ANGPT4: variants seen among roughly 807,000 people sequenced by gnomAD.
ANGPT4 encodes angiopoietin 4.
ANGPT4 carries 50 observed loss-of-function variants against 53.0 expected under a neutral mutation model. The observed-to-expected ratio is 0.94, with a 90% CI of 0.75 to 1.20. ANGPT4 has a LOEUF of 1.20. Ranked by LOEUF, ANGPT4 falls within the 50% of genes most tolerant of loss-of-function variation. The pLI is 0.00. For missense variants in ANGPT4, 648 were observed against 637.1 expected (o/e 1.02, Z -0.18); for synonymous variants, 251 against 259.7 (o/e 0.97, Z 0.32).
chr20:891,707 C>G (rs956433638), intron 1 of ANGPT4, among the ~76,000 whole-genome samples: 15 of 152,362 alleles, frequency 9.8e-5, no homozygotes, highest in Admixed American at 8.5e-4. Context: ...CCACTTCCTC[C>G]TTCATCTCTT....
chr20:900,307 C>A (rs757793990), intron 1 of ANGPT4, among the ~76,000 whole-genome samples: 5 of 152,168 alleles, frequency 3.3e-5, no homozygotes, highest in Admixed American at 6.5e-5. Flanking sequence ...GAAAATTGAA[C>A]CTCCTCCTCT....
chr20:882,099 G>T (rs1981432301), intron 4 of ANGPT4, among the ~76,000 whole-genome samples: 1 of 152,164 alleles, frequency 6.6e-6, no homozygotes, highest in Non-Finnish European at 1.5e-5. Flanking sequence ...CTGGGCATAT[G>T]CTCCCTTATT....
rs76876028 is a variant in ANGPT4, at chr20:873,697, C to T, written c.1352-577G>A. 8.2e-4 allele frequency among the ~76,000 whole-genome samples: 125 copies of T among 152,216 alleles called. 4 individuals are homozygous for T. The East Asian group carries it at 0.021, about 25-fold the overall frequency. Reference sequence around the variant, plus strand: ...CTCCTTGGGCTAAGTCTTTCTCCCCCATCTCCCTCTGTACTTCTCTGCCCC... The same window carrying T: ...CTCCTTGGGCTAAGTCTTTCTCCCCTATCTCCCTCTGTACTTCTCTGCCCC... On this transcript the variant is annotated intron_variant, in intron 8 of 8. Transcript: ENST00000381922.
chr20:876,818 G>A (rs562557356), intron 7 of ANGPT4, among the ~76,000 whole-genome samples: 2 of 152,270 alleles, frequency 1.3e-5, no homozygotes, highest in East Asian at 3.9e-4. Flanking sequence ...TGCATTATCA[G>A]GTTGGTATGG....
At position 914,353 on chromosome 20, in the gene ANGPT4, G is replaced by A. The variant is rs1291686673; in HGVS notation, c.309+1553C>T. On this transcript the variant is annotated intron_variant, in intron 1 of 8. Transcript: ENST00000381922. This position sits in a 1 kb window ranked among gnomAD's most constrained non-coding sequence, Gnocchi z 5.0. The stretch of plus-strand genomic sequence containing the variant: ...GGGGAGGACAAGGAGGGCCTCTGGG[G>A]AGATGGCGCTGGAGAGGATAGGAGG... 6.6e-6 allele frequency among the ~76,000 whole-genome samples: 1 copy of A among 152,198 alleles called. No individual in the cohort carries two copies. The highest frequency in any genetic ancestry group is 1.9e-4 in the East Asian group (1 of 5,188).
intron 2 of ANGPT4, among the ~76,000 whole-genome samples, chr20:888,894 C>G (rs1356446514): frequency 1.3e-5 from 2 of 152,214 alleles, no homozygotes; most frequent in African/African-American, 4.8e-5. Flanking sequence ...GCTCCCATCT[C>G]ATGTAGCGGA....
intron 1 of ANGPT4, among the ~76,000 whole-genome samples, chr20:894,156 T>C (rs1244389910): frequency 6.6e-6 from 1 of 152,220 alleles, no homozygotes; most frequent in Non-Finnish European, 1.5e-5. Flanking sequence ...GGCTATTTCT[T>C]TACCTCCCAT....
At position 911,784 on chromosome 20, in the gene ANGPT4, C is replaced by G. The variant is rs1490299468; in HGVS notation, c.309+4122G>C. Among the ~76,000 whole-genome samples the G allele has an allele frequency of 6.6e-6, 1 of 151,928 alleles. No individual in the cohort carries two copies. Among genetic ancestry groups the G allele is most frequent in the Non-Finnish European group, 1.5e-5 (1 of 67,990 alleles). On this transcript the variant is annotated intron_variant, in intron 1 of 8. Transcript: ENST00000381922. This position sits in a 1 kb window ranked among gnomAD's most constrained non-coding sequence, Gnocchi z 4.9. ...GAGCTGTGATTGCACCATTGCACCC[C>G]AGTGTGGTTGAGAGAGTCAGACCTT... is the stretch of plus-strand genomic sequence containing the variant.
intron 1 of ANGPT4, among the ~76,000 whole-genome samples, chr20:892,529 G>T (rs1981886778): frequency 6.6e-6 from 1 of 151,636 alleles, no homozygotes; most frequent in Admixed American, 6.6e-5. Context: ...CTGGGAGGTG[G>T]AGGTTGCGGT....
chr20:900,863 G>GTCCTT (rs1458477380), intron 1 of ANGPT4, among the ~76,000 whole-genome samples: 1 of 151,522 alleles, frequency 6.6e-6, no homozygotes, highest in African/African-American at 2.4e-5. Flanking sequence ...TCAATTCTTG[G>GTCCTT]TCCTTTAATA....
chr20:903,591 G>A (rs1484804892), intron 1 of ANGPT4, among the ~76,000 whole-genome samples: 4 of 152,208 alleles, frequency 2.6e-5, no homozygotes, highest in African/African-American at 9.6e-5. Context: ...GGCTTAGAGA[G>A]GACCAGGACT....
At chr20:883,526 C>T (rs1215972574) in intron 4 of ANGPT4, among the ~76,000 whole-genome samples, 1 of 152,240 alleles carries the variant, frequency 6.6e-6, no homozygotes, top group Non-Finnish European at 1.5e-5. Context: ...CCATCTCCAT[C>T]CAGCCCTCTC....
At chr20:881,091 G>A (rs1233572898) in intron 5 of ANGPT4, 80 bp downstream of exon 5, 13 of 1,151,618 alleles carry the variant, frequency 1.1e-5, no homozygotes, top group Admixed American at 5.7e-5. Context: ...GCCTGATCCC[G>A]ATGGGGTGCG....
chr20:881,170 C>A lies in ANGPT4; in HGVS notation c.951+1G>T, dbSNP rs758088061. ...CCACAGTTCCCAGGGAGCCCCCTAA[C>A]CTTCCTGGGCTTCGTTGCATTGGAC... On this transcript the variant is annotated splice_donor_variant, in intron 5 of 8. Transcript: ENST00000381922. LOFTEE classifies it high-confidence loss of function. 1.3e-6 allele frequency: 2 copies of A among 1,576,584 alleles called. No homozygotes were observed. Among genetic ancestry groups the A allele is most frequent in the Non-Finnish European group, 8.6e-7 (1 of 1,161,438 alleles).
intron 4 of ANGPT4, 68 bp downstream of exon 4, chr20:885,010 T>G (rs1600048224): frequency 1.3e-6 from 2 of 1,586,756 alleles, no homozygotes; most frequent in East Asian, 2.3e-5. Context: ...CCCTGGAGGG[T>G]GAGCAGGGTC....
chr20:876,009 A>G (rs2122757793), intron 7 of ANGPT4, among the ~76,000 whole-genome samples: 1 of 152,052 alleles, frequency 6.6e-6, no homozygotes, highest in Admixed American at 6.5e-5. Flanking sequence ...GCATGCCTGT[A>G]ATTCCAGCTA....
At chr20:890,791 C>G (rs1490586618) in intron 1 of ANGPT4, among the ~76,000 whole-genome samples, 1 of 152,190 alleles carries the variant, frequency 6.6e-6, no homozygotes, top group South Asian at 2.1e-4. Context: ...CTCCCTCACT[C>G]ACTTCAATCC....
At chr20:897,511 G>T (rs58879316) in intron 1 of ANGPT4, among the ~76,000 whole-genome samples, 5 of 152,128 alleles carry the variant, frequency 3.3e-5, no homozygotes, top group Non-Finnish European at 7.4e-5. Context: ...CTGCAGCACC[G>T]GTCATGGACT....
chr20:878,991 C>T (rs1021892150), intron 6 of ANGPT4, among the ~76,000 whole-genome samples: 1 of 152,288 alleles, frequency 6.6e-6, no homozygotes, highest in Admixed American at 6.5e-5. Context: ...CGATGCAATG[C>T]GGGTTAGCCT....
Sources: allele counts gnomAD v4.1 joint callset (sites outside exome capture counted in the v4.1 genomes callset), GRCh38; gene constraint gnomAD v4.1.1; non-coding constraint Gnocchi (gnomAD v3.1); transcripts MANE v1.5; gene names NCBI Gene and HGNC (gene_info 2026-07-23, HGNC 2026-07-21).